TPRG1: variants seen among roughly 807,000 people sequenced by gnomAD.
TPRG1 encodes the protein tumor protein p63-regulated gene 1 protein.
In TPRG1, 29 loss-of-function variants were observed where a neutral mutation model predicts 29.3. That is an observed-to-expected ratio of 0.99 (90% confidence interval 0.74 to 1.35). TPRG1 has a LOEUF of 1.35. TPRG1 is among the 40% of genes most tolerant of loss of function. TPRG1 has a pLI of 0.00. For synonymous variants in TPRG1, 130 were observed against 116.8 expected (o/e 1.11, Z -0.73); for missense variants, 327 against 335.0 (o/e 0.98, Z 0.19).
chr3:189,219,229 G>GA (rs1736556384), intron 3 of TPRG1, among the ~76,000 whole-genome samples: 1 of 152,306 alleles, frequency 6.6e-6, no homozygotes, highest in East Asian at 1.9e-4. Context: ...TCTCTAAATT[G>GA]ATATGGGCAC....
At chr3:189,253,967 G>T (rs1273113525) in intron 4 of TPRG1, among the ~76,000 whole-genome samples, 1 of 152,052 alleles carries the variant, frequency 6.6e-6, no homozygotes, top group Admixed American at 6.6e-5. Flanking sequence ...TTGTAAATTT[G>T]TTTAAAGTCC....
Position 189,323,790 on chromosome 3 carries a change from C to G in TPRG1, c.*2970C>G, listed in dbSNP as rs1724509465. The G allele has an allele frequency of 6.6e-6, 1 of 152,124 alleles. No individual in the cohort carries two copies. Among genetic ancestry groups the G allele is most frequent in the African/African-American group, 2.4e-5 (1 of 41,430 alleles). 9.4% of individuals were successfully genotyped at this position (152,124 alleles called of 1,614,324 possible). A position where few individuals can be genotyped will look rare whatever the true frequency, so the allele number is the denominator to read the frequency against. On this transcript the variant is annotated 3_prime_UTR_variant, in exon 6 of 6. Transcript: ENST00000345063. ...GACGCAAGATACATTAAGTAGAGTACAAAGCATTTCATAACCAAAATGTCA... is the reference window on the plus strand; with the variant it reads ...GACGCAAGATACATTAAGTAGAGTAGAAAGCATTTCATAACCAAAATGTCA...
intron 4 of TPRG1, among the ~76,000 whole-genome samples, chr3:189,239,478 C>T (rs540743779): frequency 1.1e-4 from 16 of 151,938 alleles, no homozygotes; most frequent in Non-Finnish European, 2.1e-4. Flanking sequence ...AGTATGAGGA[C>T]GTGACAAATA....
chr3:189,276,333 A>G (rs754009178), intron 4 of TPRG1, among the ~76,000 whole-genome samples: 1 of 152,156 alleles, frequency 6.6e-6, no homozygotes, highest in Admixed American at 6.5e-5. Context: ...AGAGCATTTT[A>G]AAAAAGTTAA....
chr3:189,283,453 C>G (rs992874765), intron 4 of TPRG1, among the ~76,000 whole-genome samples: 3 of 152,160 alleles, frequency 2.0e-5, no homozygotes, highest in Admixed American at 2.0e-4. Flanking sequence ...AAGATTTTCT[C>G]TAATATGATT....
upstream of TPRG1, among the ~76,000 whole-genome samples, chr3:189,097,002 T>C (rs1718722711): frequency 6.6e-6 from 1 of 152,236 alleles, no homozygotes. Flanking sequence ...CATTTTGTAC[T>C]CAGTTATATT....
intron 4 of TPRG1, among the ~76,000 whole-genome samples, chr3:189,289,535 C>T (rs955186074): frequency 3.9e-5 from 6 of 152,016 alleles, no homozygotes; most frequent in African/African-American, 1.2e-4. Context: ...TTGTTGACTA[C>T]GTAGTCTTTG....
At chr3:189,268,595 T>C (rs1325508842) in intron 4 of TPRG1, among the ~76,000 whole-genome samples, 1 of 152,238 alleles carries the variant, frequency 6.6e-6, no homozygotes, top group Non-Finnish European at 1.5e-5. Flanking sequence ...GTACTCACTA[T>C]GATACATTTA....
At chr3:189,267,005 T>C (rs1167194182) in intron 4 of TPRG1, among the ~76,000 whole-genome samples, 1 of 152,194 alleles carries the variant, frequency 6.6e-6, no homozygotes, top group Non-Finnish European at 1.5e-5. Flanking sequence ...GTTGTCTCTA[T>C]AGGGAAAGAG....
rs1324718927 is a variant in TPRG1, at chr3:189,056,027, CCCTCCCTTCCTTCCTTCCTT to C, written c.-463+32085_-463+32104del. Among the ~76,000 whole-genome samples, 227 of 106,174 alleles carry C rather than the reference CCCTCCCTTCCTTCCTTCCTT, an allele frequency of 2.1e-3. 3 individuals are homozygous for C. The highest frequency in any genetic ancestry group is 7.8e-3 in the African/African-American group (206 of 26,472). 69.7% of individuals were successfully genotyped at this position (106,174 alleles called of 152,430 possible). On this transcript the variant is annotated intron_variant, in intron 4 of 10. Coordinates refer to the TPRG1 transcript ENST00000433971. ...CTCTCTCTCCCTCCCTCCCTTCCCT[CCCTCCCTTCCTTCCTTCCTT>C]CCTTCCTTCCTTCCTTCCTTCCTTC...
chr3:189,170,237 C>G (rs902766113), upstream of TPRG1, among the ~76,000 whole-genome samples: 1 of 152,064 alleles, frequency 6.6e-6, no homozygotes, highest in Non-Finnish European at 1.5e-5. Context: ...TCTAATTGCC[C>G]TGTAGTTTTG....
chr3:189,067,228 T>C (rs959520258), intron 4 of TPRG1, among the ~76,000 whole-genome samples: 1 of 152,204 alleles, frequency 6.6e-6, no homozygotes, highest in Non-Finnish European at 1.5e-5. Context: ...ATCAATATTG[T>C]TATAATGTTC....
intron 3 of TPRG1, among the ~76,000 whole-genome samples, chr3:189,019,514 G>C (rs1163883580): frequency 6.6e-6 from 1 of 152,170 alleles, no homozygotes; most frequent in Non-Finnish European, 1.5e-5. Flanking sequence ...CTTTGGCTCT[G>C]TTTATATGCT....
chr3:189,127,098 A>T lies in TPRG1; in HGVS notation c.-702A>T, dbSNP rs558131159. On this transcript the variant is annotated 5_prime_UTR_variant, in exon 2 of 7. Coordinates refer to the TPRG1 transcript ENST00000412373. ...GGCCTGTGCAAAAAGACACCCAGAG[A>T]TTTCATGCTGTTGATTCACAGAAAG... 3.9e-5 allele frequency: 6 copies of T among 152,274 alleles called. No individual in the cohort carries two copies. The South Asian group carries it at 1.2e-3, about 32-fold the overall frequency. 9.4% of individuals were successfully genotyped at this position (152,274 alleles called of 1,614,324 possible).
At chr3:189,250,676 A>T (rs184974548) in intron 4 of TPRG1, among the ~76,000 whole-genome samples, 141 of 151,674 alleles carry the variant, frequency 9.3e-4, no homozygotes, top group Non-Finnish European at 3.7e-4. Context: ...GCAAGGAAAA[A>T]TCAGCTGCTA....
chr3:189,133,304 T>C (rs1405709052), intron 3 of TPRG1, among the ~76,000 whole-genome samples: 1 of 152,116 alleles, frequency 6.6e-6, no homozygotes, highest in Non-Finnish European at 1.5e-5. Flanking sequence ...GGGAAGATAA[T>C]AGTGCCAACT....
At chr3:189,086,011 A>G (rs1717910796) in intron 4 of TPRG1, among the ~76,000 whole-genome samples, 1 of 152,188 alleles carries the variant, frequency 6.6e-6, no homozygotes, top group South Asian at 2.1e-4. Context: ...GAAGTCCCAC[A>G]ATAGGCCATC....
intron 4 of TPRG1, among the ~76,000 whole-genome samples, chr3:189,073,352 T>A (rs1716918280): frequency 6.6e-6 from 1 of 152,230 alleles, no homozygotes; most frequent in Non-Finnish European, 1.5e-5. Context: ...CACAGACACA[T>A]ACAAAGTTCT....
chr3:189,194,995 G>T (rs1003255615), intron 1 of TPRG1, among the ~76,000 whole-genome samples: 4 of 152,164 alleles, frequency 2.6e-5, no homozygotes, highest in Non-Finnish European at 5.9e-5. Flanking sequence ...ATAAGGTGAG[G>T]TATCTCAGCT....
Sources: gnomAD v4.1 joint callset for allele counts (sites outside exome capture counted in the v4.1 genomes callset) on GRCh38, gnomAD v4.1.1 for gene constraint, MANE v1.5 for transcripts, NCBI Gene and HGNC (gene_info 2026-07-23, HGNC 2026-07-21) for gene names.